The following C9 variants were observed in gnomAD, a reference collection of about 807,000 sequenced individuals.
The protein encoded by C9 is complement C9.
In C9, 63 loss-of-function variants were observed where a neutral mutation model predicts 65.4. That is an observed-to-expected ratio of 0.96 (90% CI 0.79 to 1.19). C9 has a LOEUF of 1.19. Ranked by LOEUF, C9 falls within the 50% of genes most tolerant of loss-of-function variation. The pLI, the probability that C9 is intolerant of heterozygous loss-of-function variation, is 0.00. For missense variants in C9, 744 were observed against 670.1 expected (o/e 1.11, Z -1.22); for synonymous variants, 229 against 227.9 (o/e 1.00, Z -0.04).
chr5:39,315,981 C>G lies in C9; in HGVS notation c.664G>C (p.Glu222Gln), dbSNP rs779905943. 1.9e-6 allele frequency: 3 copies of G among 1,611,856 alleles called. No individual in the cohort carries two copies. The highest frequency in any genetic ancestry group is 3.3e-5 in the Admixed American group (2 of 59,938). The part of the protein sequence containing the change: ...FRTEHYEEQI[E>Q]AFKSIIQEKT... ...TCTTGGATGATACTTTTAAATGCTT[C>G]AATTTGTTCTTCGTAATGTTCGGTT... The change falls in exon 6 of 11, where the codon GAA becomes CAA. Residue 222 changes from glutamate (E) to glutamine (Q), a missense_variant. By Grantham distance (29) the Glu-to-Gln change is conservative (BLOSUM62 2). Coordinates refer to ENST00000263408, the MANE Select transcript of C9 (RefSeq NM_001737.5).
At chr5:39,286,628 C>T (rs1752995833) in intron 10 of C9, among the ~76,000 whole-genome samples, 1 of 151,766 alleles carries the variant, frequency 6.6e-6, no homozygotes, top group South Asian at 2.1e-4. Context: ...AAAGAAATCA[C>T]AGAGAAATCA....
chr5:39,299,787 C>A (rs1001548349), intron 9 of C9, among the ~76,000 whole-genome samples: 3 of 151,486 alleles, frequency 2.0e-5, no homozygotes, highest in Non-Finnish European at 4.4e-5. Context: ...GCCCTTTACA[C>A]TAAAAAAAAT....
intron 1 of C9, among the ~76,000 whole-genome samples, chr5:39,364,070 G>T (rs1171742334): frequency 6.6e-6 from 1 of 152,100 alleles, no homozygotes; most frequent in Non-Finnish European, 1.5e-5. Flanking sequence ...CAGACATCAG[G>T]CACTAATAAA....
At chr5:39,290,100 A>G (rs189005093) in intron 9 of C9, among the ~76,000 whole-genome samples, 1 of 152,002 alleles carries the variant, frequency 6.6e-6, no homozygotes, top group Non-Finnish European at 1.5e-5. Flanking sequence ...CAGAGAGAAG[A>G]CTATTTCAGG....
At chr5:39,355,494 G>A (rs2111982169) in intron 1 of C9, among the ~76,000 whole-genome samples, 1 of 152,024 alleles carries the variant, frequency 6.6e-6, no homozygotes, top group East Asian at 1.9e-4. Context: ...CTCACGCTTG[G>A]GACTTAATAG....
At chr5:39,321,558 G>C (rs1213169541) in intron 5 of C9, among the ~76,000 whole-genome samples, 1 of 151,962 alleles carries the variant, frequency 6.6e-6, no homozygotes, top group East Asian at 1.9e-4. Flanking sequence ...AAAAATGGCA[G>C]TGGTAAGTCC....
intron 9 of C9, among the ~76,000 whole-genome samples, chr5:39,302,068 T>G (rs1280131350): frequency 6.6e-6 from 1 of 152,052 alleles, no homozygotes. Context: ...AAATACAATT[T>G]GGATTAAATG....
intron 9 of C9, 33 bp downstream of exon 9, chr5:39,306,584 A>G (rs1325700146): frequency 1.3e-6 from 2 of 1,532,750 alleles, no homozygotes; most frequent in East Asian, 2.2e-5. Flanking sequence ...AAAATGACAC[A>G]GTCTTCTGTT....
At chr5:39,341,754 G>C in intron 2 of C9, 54 bp from the exon 3 acceptor site, 1 of 1,529,726 alleles carries the variant, frequency 6.5e-7, no homozygotes, top group Admixed American at 1.7e-5. Context: ...AAAAGGGTAT[G>C]GTCTAAAGGT....
chr5:39,305,292 T>C (rs1014781601), intron 9 of C9, among the ~76,000 whole-genome samples: 8 of 152,182 alleles, frequency 5.3e-5, no homozygotes, highest in African/African-American at 1.4e-4. Context: ...TGCATATCTA[T>C]GAACGGCTGT....
At chr5:39,303,601 T>A (rs922077742) in intron 9 of C9, among the ~76,000 whole-genome samples, 25 of 151,470 alleles carry the variant, frequency 1.7e-4, no homozygotes, top group Non-Finnish European at 1.5e-4. Context: ...ACTTAGAAAA[T>A]CTCAGTAACA....
At position 39,357,060 on chromosome 5, in the gene C9, G is replaced by A. The variant is rs534084698; in HGVS notation, c.77+7328C>T. 7.2e-5 allele frequency among the ~76,000 whole-genome samples: 11 copies of A among 152,306 alleles called. No homozygotes were observed. In the South Asian group the frequency reaches 2.3e-3, roughly 32 times the overall value. On this transcript the variant is annotated intron_variant, in intron 1 of 10. Transcript: ENST00000263408. ...GGAGATCTACCTCTGGGCCAGAAATGCATCAAATGAAGAGTCATTGATATA... is the reference window on the plus strand; with the variant it reads ...GGAGATCTACCTCTGGGCCAGAAATACATCAAATGAAGAGTCATTGATATA...
Position 39,301,773 on chromosome 5 carries a change from T to C in C9, c.1416+4844A>G, listed in dbSNP as rs150645720. Among the ~76,000 whole-genome samples, 1,023 of 152,250 alleles carry C rather than the reference T, an allele frequency of 6.7e-3. 3 individuals carry two copies. The highest frequency in any genetic ancestry group is 9.6e-3 in the Non-Finnish European group (650 of 67,980). On this transcript the variant is annotated intron_variant, in intron 9 of 10. Transcript: ENST00000263408. ...ATTTGCAAAACTTTAGTTGTGAATA[T>C]GCTCATATATGGAATATATCAAGAA... is the stretch of plus-strand genomic sequence containing the variant.
At chr5:39,310,550 C>T (rs1167570655) in intron 7 of C9, among the ~76,000 whole-genome samples, 1 of 152,052 alleles carries the variant, frequency 6.6e-6, no homozygotes, top group African/African-American at 2.4e-5. Flanking sequence ...CCCTTTTCCC[C>T]ATGATTTCCC....
intron 9 of C9, among the ~76,000 whole-genome samples, chr5:39,305,298 G>C (rs139490812): frequency 1.3e-5 from 2 of 152,088 alleles, no homozygotes; most frequent in Admixed American, 6.5e-5. Flanking sequence ...TCTATGAACG[G>C]CTGTATTTCT....
intron 4 of C9, among the ~76,000 whole-genome samples, chr5:39,334,369 T>C (rs535043175): frequency 0.054 from 7,652 of 142,838 alleles, 276 homozygotes; most frequent in Non-Finnish European, 0.063. Context: ...GGAGACCCTC[T>C]GCCTGGCAAC....
intron 1 of C9, among the ~76,000 whole-genome samples, chr5:39,351,074 A>G (rs952311274): frequency 2.0e-5 from 3 of 152,220 alleles, no homozygotes; most frequent in Non-Finnish European, 2.9e-5. Flanking sequence ...GTGCACCTGC[A>G]GGCCCAACAC....
intron 4 of C9, 76 bp downstream of exon 4, chr5:39,341,070 C>G (rs1754067448): frequency 6.7e-7 from 1 of 1,496,812 alleles, no homozygotes; most frequent in Non-Finnish European, 9.3e-7. Context: ...AATGCTTCTA[C>G]CAGTCTATCA....
intron 1 of C9, among the ~76,000 whole-genome samples, chr5:39,362,197 T>TGTC (rs1461997638): frequency 6.6e-6 from 1 of 152,094 alleles, no homozygotes; most frequent in African/African-American, 2.4e-5. Context: ...TGGTCCTAAG[T>TGTC]GTCAAATAAG....
Sources: gnomAD v4.1 joint callset for allele counts (sites outside exome capture counted in the v4.1 genomes callset) on GRCh38, gnomAD v4.1.1 for gene constraint, MANE v1.5 for transcripts, NCBI Gene and HGNC (gene_info 2026-07-23, HGNC 2026-07-21) for gene names.